Variants in NBAS observed in about 807,000 individuals in gnomAD.
NBAS encodes NBAS subunit of NRZ tethering complex.
In NBAS, 219 loss-of-function variants were observed where a neutral mutation model predicts 302.5. That is an observed-to-expected ratio of 0.72 (90% confidence interval 0.65 to 0.81). NBAS has a LOEUF of 0.81. Among genes scored for constraint, NBAS ranks in the 30% least tolerant of loss-of-function variants. The pLI, the probability that NBAS is intolerant of heterozygous loss-of-function variation, is 0.00. For missense variants in NBAS, 2,932 were observed against 2,841.6 expected, an observed-to-expected ratio of 1.03 and a Z score of -0.72; for synonymous variants, 1,118 against 1,021.6, an observed-to-expected ratio of 1.09 and a Z score of -1.80.
chr2:15,132,951 G>T, the NBAS span, among the ~76,000 whole-genome samples: 2 of 151,542 alleles, frequency 1.3e-5, no homozygotes, highest in African/African-American at 4.8e-5. Flanking sequence ...ACACTCTATT[G>T]TTTGTGCTAT....
intron 51 of NBAS, among the ~76,000 whole-genome samples, 179 bp from the exon 52 acceptor site, chr2:15,167,502 G>A (rs1015574611): frequency 2.6e-5 from 4 of 152,112 alleles, no homozygotes; most frequent in African/African-American, 7.2e-5. Flanking sequence ...GACAGACGGG[G>A]CTCCTCTTAA....
chr2:15,081,766 G>A, the NBAS span, among the ~76,000 whole-genome samples: 1 of 152,192 alleles, frequency 6.6e-6, no homozygotes, highest in Non-Finnish European at 1.5e-5. Flanking sequence ...CAACCCAGGT[G>A]TGACTCAGAT....
chr2:15,240,446 C>CAAAAAAAAA (rs1175235771), intron 44 of NBAS, among the ~76,000 whole-genome samples: 51 of 74,766 alleles, frequency 6.8e-4, no homozygotes, highest in African/African-American at 8.2e-4. Context: ...ACTAAAAATA[C>CAAAAAAAAA]AAAAAAAAAA....
chr2:15,039,122 G>A, the NBAS span, among the ~76,000 whole-genome samples: 1 of 152,172 alleles, frequency 6.6e-6, no homozygotes, highest in Non-Finnish European at 1.5e-5. Flanking sequence ...CTGTCTTTGG[G>A]CAAGTGGCTT....
At chr2:15,205,660 C>A (rs929080793) in intron 48 of NBAS, among the ~76,000 whole-genome samples, 3 of 152,128 alleles carry the variant, frequency 2.0e-5, no homozygotes, top group Non-Finnish European at 4.4e-5. Context: ...ATAATCCCCA[C>A]ATTTTAGGGG....
chr2:15,096,697 T>A, the NBAS span, among the ~76,000 whole-genome samples: 108 of 152,216 alleles, frequency 7.1e-4, 1 homozygote, highest in East Asian at 0.018. Flanking sequence ...GCAACTGAGA[T>A]GGAAGATGCA....
At chr2:14,949,957 GAAGT>G in the NBAS span, among the ~76,000 whole-genome samples, 3 of 152,138 alleles carry the variant, frequency 2.0e-5, no homozygotes, top group East Asian at 5.8e-4. Context: ...TTTGATGGAA[GAAGT>G]AAGACCTAGT....
At chr2:15,175,954 C>A (rs1402373105) in intron 51 of NBAS, among the ~76,000 whole-genome samples, 1 of 152,220 alleles carries the variant, frequency 6.6e-6, no homozygotes, top group Non-Finnish European at 1.5e-5. Flanking sequence ...GCAGGAGAGA[C>A]TGCTATCAAC....
the NBAS span, among the ~76,000 whole-genome samples, chr2:15,016,666 A>G: frequency 6.6e-6 from 1 of 152,128 alleles, no homozygotes; most frequent in Non-Finnish European, 1.5e-5. Context: ...AAATAGCCAA[A>G]ACAATCCTAA....
chr2:14,966,612 TC>T, the NBAS span, among the ~76,000 whole-genome samples: 1 of 152,140 alleles, frequency 6.6e-6, no homozygotes, highest in African/African-American at 2.4e-5. Flanking sequence ...CCTGTGTTAC[TC>T]AAAGGTGAAC....
At chr2:15,405,843 GAATA>G in intron 25 of NBAS, among the ~76,000 whole-genome samples, 1 of 151,814 alleles carries the variant, frequency 6.6e-6, no homozygotes, top group African/African-American at 2.4e-5. Flanking sequence ...TAAAACTTAG[GAATA>G]AATTTAACAA....
the NBAS span, among the ~76,000 whole-genome samples, chr2:14,813,806 G>T: frequency 1.3e-5 from 2 of 152,156 alleles, no homozygotes; most frequent in African/African-American, 4.8e-5. Flanking sequence ...TCAACAGCCA[G>T]GACAATGGGG....
At chr2:15,218,494 G>A (rs1166002986) in intron 48 of NBAS, among the ~76,000 whole-genome samples, 2 of 151,980 alleles carry the variant, frequency 1.3e-5, no homozygotes, top group African/African-American at 2.4e-5. Context: ...GTGCCATCTC[G>A]ACCACTGCAA....
intron 44 of NBAS, among the ~76,000 whole-genome samples, chr2:15,259,885 C>A (rs1291190225): frequency 1.3e-5 from 2 of 152,176 alleles, no homozygotes; most frequent in Non-Finnish European, 1.5e-5. Context: ...TTATGCTGGG[C>A]TCTCTTCCCT....
chr2:15,087,223 A>AACAAACACACAC, the NBAS span, among the ~76,000 whole-genome samples: 1 of 143,192 alleles, frequency 7.0e-6, no homozygotes, highest in African/African-American at 2.6e-5. Flanking sequence ...TTTTTATACA[A>AACAAACACACAC]ACACACACAC....
chr2:15,081,947 C>A, the NBAS span, among the ~76,000 whole-genome samples: 2 of 152,176 alleles, frequency 1.3e-5, no homozygotes, highest in Admixed American at 1.3e-4. Context: ...ATGTCACCCT[C>A]AGAAAGGTGT....
intron 13 of NBAS, among the ~76,000 whole-genome samples, chr2:15,476,725 A>G (rs1055226083): frequency 3.3e-5 from 5 of 152,274 alleles, no homozygotes; most frequent in Admixed American, 1.3e-4. Flanking sequence ...AAAAACAAAA[A>G]GAAAAAAAGG....
chr2:14,941,813 A>T, the NBAS span, among the ~76,000 whole-genome samples: 2 of 152,166 alleles, frequency 1.3e-5, no homozygotes, highest in Non-Finnish European at 2.9e-5. Flanking sequence ...ATTTCCTTCC[A>T]CATCCTTGAT....
intron 44 of NBAS, among the ~76,000 whole-genome samples, chr2:15,260,683 G>A (rs1668808939): frequency 6.6e-6 from 1 of 152,168 alleles, no homozygotes. Flanking sequence ...GCTGTCTTAT[G>A]CCAGCTCCTG....
Sources: gnomAD v4.1 joint callset for allele counts (sites outside exome capture counted in the v4.1 genomes callset) on GRCh38, gnomAD v4.1.1 for gene constraint, MANE v1.5 for transcripts, NCBI Gene and HGNC (gene_info 2026-07-23, HGNC 2026-07-21) for gene names.